Variants in SPECC1L observed in about 807,000 individuals in gnomAD.
SPECC1L encodes cytospin-A.
Under a neutral mutation model 116.8 loss-of-function variants are expected in SPECC1L, and 40 were observed. That is an observed-to-expected ratio of 0.34 (90% CI 0.27 to 0.45). The LOEUF is 0.45. Ranked by LOEUF, SPECC1L falls within the 20% of genes least tolerant of loss-of-function variation. The probability of loss-of-function intolerance (pLI) is 1.00; values close to 1 mark genes in which losing one functional copy is unlikely to be tolerated. For missense variants in SPECC1L, 1,110 were observed against 1,373.6 expected (o/e 0.81, Z 3.03); for synonymous variants, 504 against 500.6 (o/e 1.01, Z -0.09).
chr22:24,274,059 C>T (rs1315558465), intron 1 of SPECC1L, among the ~76,000 whole-genome samples: 2 of 152,160 alleles, frequency 1.3e-5, no homozygotes, highest in Non-Finnish European at 2.9e-5. Flanking sequence ...CACCCAGCCC[C>T]AGGAGATTTT....
In SPECC1L at chr22:24,322,826, A is replaced by G; in HGVS notation, c.1846A>G (p.Lys616Glu). The G allele has an allele frequency of 6.2e-7, 1 of 1,610,156 alleles. No homozygotes were observed. The highest frequency in any genetic ancestry group is 8.5e-7 in the Non-Finnish European group (1 of 1,178,120). ...CCTCCTGGAGAGTGTCAGGCTGGACAAAGAAAAAGCAGAGACTTTGGCTAG... is the reference window on the plus strand; with the variant it reads ...CCTCCTGGAGAGTGTCAGGCTGGACGAAGAAAAAGCAGAGACTTTGGCTAG... ...QDLLESVRLDKEKAETLASSL... is the reference protein window; with the variant it reads ...QDLLESVRLDEEKAETLASSL... Residue 616 changes from lysine (K) to glutamate (E), a missense_variant, in exon 5 of 17, where the codon AAA becomes GAA. Lys to Glu is a moderately conservative substitution (Grantham distance 56, BLOSUM62 1). Transcript: ENST00000314328.
At chr22:24,279,156 T>C (rs1258636990) in intron 2 of SPECC1L, among the ~76,000 whole-genome samples, 1 of 152,212 alleles carries the variant, frequency 6.6e-6, no homozygotes, top group Non-Finnish European at 1.5e-5. Context: ...CTATTAATTA[T>C]TGAGATTGTG....
At chr22:24,410,221 T>A (rs557067455) in intron 14 of SPECC1L, among the ~76,000 whole-genome samples, 1 of 152,284 alleles carries the variant, frequency 6.6e-6, no homozygotes, top group Admixed American at 6.5e-5. Flanking sequence ...GTAATGGCTG[T>A]TCACAGGCAC....
At chr22:24,349,044 T>G (rs2146570751) in intron 11 of SPECC1L, among the ~76,000 whole-genome samples, 1 of 152,278 alleles carries the variant, frequency 6.6e-6, no homozygotes, top group East Asian at 1.9e-4. Context: ...TCCTTTTTTT[T>G]TTCTTTGTTT....
Position 24,276,675 on chromosome 22 carries a change from T to G in SPECC1L, c.-141-25T>G. On this transcript the variant is annotated intron_variant, in intron 1 of 16. Coordinates refer to ENST00000314328, the MANE Select transcript of SPECC1L (RefSeq NM_015330.6). ...AATATCTGCTAAAATTTAAAGCTAT[T>G]CTATTCTTCCTCTCTCTCTTCTAGT... 1.5e-5 allele frequency: 6 copies of G among 407,204 alleles called. 1 individual carries two copies. The highest frequency in any genetic ancestry group is 1.0e-4 in the South Asian group (6 of 57,374). The allele number at this position is 407,204 out of a possible 1,614,324, so 25.2% of individuals were successfully genotyped here.
At chr22:24,327,277 C>CAAAA (rs58725731) in intron 6 of SPECC1L, among the ~76,000 whole-genome samples, 82 of 41,936 alleles carry the variant, frequency 2.0e-3, no homozygotes, top group Middle Eastern at 0.024. Flanking sequence ...GACTCCGTCT[C>CAAAA]AAAAAAAAAA....
chr22:24,405,838 CAAA>C (rs35648769), intron 14 of SPECC1L, among the ~76,000 whole-genome samples: 10 of 136,396 alleles, frequency 7.3e-5, no homozygotes, highest in Non-Finnish European at 7.9e-5. Context: ...GACTCTGCCT[CAAA>C]AAAAAAAAAA....
intron 1 of SPECC1L, among the ~76,000 whole-genome samples, chr22:24,275,969 A>AC (rs1363464651): frequency 6.6e-6 from 1 of 151,882 alleles, no homozygotes; most frequent in African/African-American, 2.4e-5. Context: ...CGCCTTGGCC[A>AC]CCCTAAGTGT....
intron 10 of SPECC1L, among the ~76,000 whole-genome samples, chr22:24,341,490 A>G (rs2041176373): frequency 1.3e-5 from 2 of 152,212 alleles, no homozygotes; most frequent in South Asian, 4.1e-4. Flanking sequence ...GTATCATAGA[A>G]CTAAATACCC....
intron 2 of SPECC1L, among the ~76,000 whole-genome samples, chr22:24,282,515 C>T (rs1377830138): frequency 2.0e-5 from 3 of 152,162 alleles, no homozygotes; most frequent in Admixed American, 2.0e-4. Context: ...CAGTTTCAAT[C>T]GTGGTAAAAG....
At chr22:24,398,456 C>T (rs1569448046) in intron 14 of SPECC1L, among the ~76,000 whole-genome samples, 1 of 152,208 alleles carries the variant, frequency 6.6e-6, no homozygotes, top group Non-Finnish European at 1.5e-5. Context: ...TTGGCCACAC[C>T]ACTCTGCTTT....
At chr22:24,399,799 C>T (rs2042437451) in intron 14 of SPECC1L, among the ~76,000 whole-genome samples, 1 of 152,160 alleles carries the variant, frequency 6.6e-6, no homozygotes, top group Non-Finnish European at 1.5e-5. Context: ...ATATCAGGTT[C>T]CTTTTGCCAT....
rs1321392280 is a variant in SPECC1L at position 24,330,399 on chromosome 22, C to T, written c.2364C>T (p.Leu788=). ...AGGCTCAAGAAAAAAATGAGAAACT[C>T]ACAAAAGAATTGGAGGAAATAAAGT... is the stretch of plus-strand genomic sequence containing the variant. The part of the protein sequence containing the change: ...LHEAQEKNEK[L]TKELEEIKSR... The change falls in exon 8 of 17, where the codon CTC becomes CTT. Residue 788 remains leucine, a synonymous_variant. Transcript: ENST00000314328. 3.1e-6 allele frequency: 5 copies of T among 1,614,098 alleles called. No homozygotes were observed. In the Admixed American group the frequency reaches 8.3e-5, roughly 27 times the overall value.
At chr22:24,348,582 C>G (rs2041352491) in intron 11 of SPECC1L, among the ~76,000 whole-genome samples, 1 of 152,234 alleles carries the variant, frequency 6.6e-6, no homozygotes, top group Admixed American at 6.5e-5. Context: ...CTTTTCTCCC[C>G]TCAGAAGGTT....
chr22:24,354,089 GGA>G (rs2041479163), intron 11 of SPECC1L, among the ~76,000 whole-genome samples: 1 of 152,122 alleles, frequency 6.6e-6, no homozygotes, highest in Non-Finnish European at 1.5e-5. Context: ...ATGAGAGAGA[GGA>G]GAGAGGTGCC....
chr22:24,355,588 TTTCCC>T (rs1274549520), intron 11 of SPECC1L, among the ~76,000 whole-genome samples: 2 of 152,130 alleles, frequency 1.3e-5, no homozygotes, highest in Non-Finnish European at 2.9e-5. Flanking sequence ...ATTCCAGAAT[TTTCCC>T]TTCCCTTACT....
chr22:24,356,200 TC>T lies in SPECC1L; in HGVS notation c.2744-7060del, dbSNP rs141398457. Among the ~76,000 whole-genome samples, 1,468 of 152,324 alleles carry T rather than the reference TC, an allele frequency of 9.6e-3. 25 individuals carry two copies. Among genetic ancestry groups the T allele is most frequent in the African/African-American group, 0.033 (1,380 of 41,562 alleles). ...AGTTAGATCTAGTTGGTTGTATTGTTCAAGTCTGGGTCTTCTGTATTTACTC... is the reference window on the plus strand; with the variant it reads ...AGTTAGATCTAGTTGGTTGTATTGTTAAGTCTGGGTCTTCTGTATTTACTC... On this transcript the variant is annotated intron_variant, in intron 11 of 16. Transcript: ENST00000314328.
intron 11 of SPECC1L, among the ~76,000 whole-genome samples, chr22:24,353,355 T>C (rs1396370726): frequency 2.0e-5 from 3 of 152,228 alleles, no homozygotes; most frequent in African/African-American, 7.2e-5. Flanking sequence ...ACTTGTCAGT[T>C]ATTTTGCAGA....
At chr22:24,361,806 GC>G (rs1178942113) in intron 11 of SPECC1L, among the ~76,000 whole-genome samples, 4 of 150,668 alleles carry the variant, frequency 2.7e-5, no homozygotes, top group Non-Finnish European at 5.9e-5. Flanking sequence ...CCCCTCTCCT[GC>G]CCCCTCCAAA....
Sources: gnomAD v4.1 joint callset for allele counts (sites outside exome capture counted in the v4.1 genomes callset) on GRCh38, gnomAD v4.1.1 for gene constraint, MANE v1.5 for transcripts, NCBI Gene and HGNC (gene_info 2026-07-23, HGNC 2026-07-21) for gene names.